The following LRFN2 variants were observed in gnomAD, a reference collection of about 807,000 sequenced individuals.
LRFN2 encodes leucine rich repeat and fibronectin type III domain containing 2, also known as leucine-rich repeat and fibronectin type-III domain-containing protein 2.
In LRFN2, 18 loss-of-function variants were observed where a neutral mutation model predicts 37.3. That is an observed-to-expected ratio of 0.48 (90% CI 0.33 to 0.72). LRFN2 has a LOEUF of 0.72. LRFN2 is among the 30% of genes least tolerant of loss of function. LRFN2 has a pLI of 0.02. For missense variants in LRFN2, 1,006 were observed against 1,060.7 expected (o/e 0.95, Z 0.72); for synonymous variants, 556 against 466.6 (o/e 1.19, Z -2.47).
At chr6:40,430,519 C>T (rs2053109) in intron 2 of LRFN2, among the ~76,000 whole-genome samples, 1,543 of 152,322 alleles carry the variant, frequency 0.01, 20 homozygotes, top group South Asian at 0.049. Context: ...ATTCCTTGAG[C>T]GGTAAGGTTT....
In LRFN2 at chr6:40,392,378, G is replaced by A. The variant is rs775902019; in HGVS notation, c.1935C>T (p.Ser645=). The A allele has an allele frequency of 4.6e-5, 74 of 1,591,880 alleles. 1 individual carries two copies. The Middle Eastern group carries it at 1.0e-3, about 21-fold the overall frequency. ...LGRAPWRIPP[S]APRPKPSLDR... Reference sequence around the variant, plus strand: ...CAAGGCTGGGCTTGGGGCGCGGGGCGGAGGGTGGGATCCTCCAGGGGGCCC... The same window carrying A: ...CAAGGCTGGGCTTGGGGCGCGGGGCAGAGGGTGGGATCCTCCAGGGGGCCC... The change falls in exon 3 of 3, where the codon TCC becomes TCT. Residue 645 remains serine, a synonymous_variant. Coordinates refer to ENST00000338305, the MANE Select transcript of LRFN2 (RefSeq NM_020737.3). The surrounding 1 kb of genome is among the most constrained non-coding windows in gnomAD (Gnocchi z 4.7).
At chr6:40,413,791 G>C (rs1349270692) in intron 2 of LRFN2, among the ~76,000 whole-genome samples, 4 of 151,986 alleles carry the variant, frequency 2.6e-5, no homozygotes, top group Admixed American at 6.5e-5. Context: ...GTCTAGCTGA[G>C]AGCCCTCCCC....
intron 1 of LRFN2, among the ~76,000 whole-genome samples, chr6:40,441,916 G>A (rs1422961249): frequency 6.6e-6 from 1 of 152,210 alleles, no homozygotes; most frequent in Non-Finnish European, 1.5e-5. Context: ...TTCCTGGATG[G>A]AACCTTCTCA....
intron 1 of LRFN2, among the ~76,000 whole-genome samples, chr6:40,452,803 GAGA>G (rs1764142335): frequency 6.6e-6 from 1 of 152,142 alleles, no homozygotes; most frequent in Admixed American, 6.5e-5. Flanking sequence ...GTCACACAAA[GAGA>G]AGGTCACACA....
At chr6:40,517,479 G>A (rs1393038533) in intron 1 of LRFN2, 1 of 152,164 alleles carries the variant, frequency 6.6e-6, no homozygotes, top group African/African-American at 2.4e-5. Context: ...CTCGACTCTG[G>A]GCAAGCTGTA....
intron 2 of LRFN2, among the ~76,000 whole-genome samples, chr6:40,397,103 C>T (rs1762632347): frequency 6.6e-6 from 1 of 152,214 alleles, no homozygotes; most frequent in Non-Finnish European, 1.5e-5. Flanking sequence ...AGACAAATTG[C>T]ATGAGAAAGC....
At position 40,392,525 on chromosome 6, in the gene LRFN2, C is replaced by A. The variant is rs988477489; in HGVS notation, c.1788G>T (p.Pro596=). Residue 596 remains proline, a synonymous_variant, in exon 3 of 3, where the codon CCG becomes CCT. Transcript: ENST00000338305. The surrounding 1 kb of genome is among the most constrained non-coding windows in gnomAD (Gnocchi z 4.7). The stretch of plus-strand genomic sequence containing the variant: ...GCACCACCACCTTCGGCGGGCCCTG[C>A]GGCGGGGCCCCGGCTGGTGCGCTGC... ...PPSSAPAGAP[P]QGPPKVVVRN... The A allele has an allele frequency of 3.8e-6, 6 of 1,586,728 alleles. No homozygotes were observed. Among genetic ancestry groups the A allele is most frequent in the East Asian group, 2.3e-5 (1 of 43,206 alleles).
At position 40,421,308 on chromosome 6, in the gene LRFN2, C is replaced by T. The variant is rs74836847; in HGVS notation, c.1400+10406G>A. Among the ~76,000 whole-genome samples, 1,312 of 152,266 alleles carry T rather than the reference C, an allele frequency of 8.6e-3. 18 individuals carry two copies. The highest frequency in any genetic ancestry group is 0.029 in the African/African-American group (1,202 of 41,536). On this transcript the variant is annotated intron_variant, in intron 2 of 2. Coordinates refer to ENST00000338305, the MANE Select transcript of LRFN2 (RefSeq NM_020737.3). Reference sequence around the variant, plus strand: ...TTATTTTGCCAAGGTTAAGGACATGCCCATGATGCAGCCTCAGGGGGTCCT... The same window carrying T: ...TTATTTTGCCAAGGTTAAGGACATGTCCATGATGCAGCCTCAGGGGGTCCT...
chr6:40,463,040 T>C (rs1372619418), intron 1 of LRFN2, among the ~76,000 whole-genome samples: 1 of 152,218 alleles, frequency 6.6e-6, no homozygotes, highest in East Asian at 1.9e-4. Flanking sequence ...TCTTCCCTCA[T>C]CTCCTTCCTG....
intron 1 of LRFN2, among the ~76,000 whole-genome samples, chr6:40,475,553 T>A (rs537462117): frequency 6.6e-6 from 1 of 152,084 alleles, no homozygotes; most frequent in Admixed American, 6.5e-5. Context: ...AACTGAGAAG[T>A]TGTTTTTGTT....
At chr6:40,576,701 C>G (rs561088664) in intron 1 of LRFN2, among the ~76,000 whole-genome samples, 2 of 152,306 alleles carry the variant, frequency 1.3e-5, no homozygotes, top group Admixed American at 1.3e-4. Flanking sequence ...AGAAGGAGCT[C>G]AGGGCCTTGA....
intron 2 of LRFN2, among the ~76,000 whole-genome samples, chr6:40,424,397 C>T (rs1203431301): frequency 1.3e-5 from 2 of 152,176 alleles, no homozygotes; most frequent in African/African-American, 2.4e-5. Flanking sequence ...CGAGATGTGC[C>T]CCACAGCAGG....
intron 1 of LRFN2, among the ~76,000 whole-genome samples, chr6:40,471,611 T>C (rs976381): frequency 0.037 from 5,705 of 152,244 alleles, 157 homozygotes; most frequent in East Asian, 0.098. Context: ...TCCAATACTA[T>C]ATTAGAAGGA....
chr6:40,475,982 A>G (rs1177295086), intron 1 of LRFN2, among the ~76,000 whole-genome samples: 1 of 152,170 alleles, frequency 6.6e-6, no homozygotes, highest in African/African-American at 2.4e-5. Flanking sequence ...TTCCTCCTTA[A>G]AATATATATT....
chr6:40,479,971 A>G (rs1312422455), intron 1 of LRFN2, among the ~76,000 whole-genome samples: 1 of 152,220 alleles, frequency 6.6e-6, no homozygotes, highest in Non-Finnish European at 1.5e-5. Flanking sequence ...GATTCCTGAG[A>G]ATTGATGTTT....
chr6:40,466,568 C>T lies in LRFN2; in HGVS notation c.-18-33437G>A, dbSNP rs527292603. Among the ~76,000 whole-genome samples, 13 of 152,218 alleles carry T rather than the reference C, an allele frequency of 8.5e-5. 1 individual carries two copies. The highest frequency in any genetic ancestry group is 7.8e-4 in the Admixed American group (12 of 15,300). Reference sequence around the variant, plus strand: ...GGAGAGGCCCCCACTCAAGAGTCTACCAGAATTGTTCCCGCCAGAGGACAA... The same window carrying T: ...GGAGAGGCCCCCACTCAAGAGTCTATCAGAATTGTTCCCGCCAGAGGACAA... On this transcript the variant is annotated intron_variant, in intron 1 of 2. Coordinates refer to ENST00000338305, the MANE Select transcript of LRFN2 (RefSeq NM_020737.3).
intron 1 of LRFN2, among the ~76,000 whole-genome samples, chr6:40,446,931 GGA>G: frequency 2.1e-5 from 3 of 145,956 alleles, no homozygotes; most frequent in African/African-American, 7.6e-5. Context: ...GGCTTCCTGA[GGA>G]TGGAGCTGTG....
intron 1 of LRFN2, among the ~76,000 whole-genome samples, chr6:40,526,839 C>A (rs1273391915): frequency 1.3e-5 from 2 of 152,212 alleles, no homozygotes; most frequent in Non-Finnish European, 2.9e-5. Flanking sequence ...GAAGTGAAGC[C>A]AAGCTCACAG....
intron 1 of LRFN2, among the ~76,000 whole-genome samples, chr6:40,511,519 A>T (rs1303479920): frequency 6.6e-6 from 1 of 152,202 alleles, no homozygotes; most frequent in Non-Finnish European, 1.5e-5. Flanking sequence ...GGTAAGCAGC[A>T]AGGGGGTCTG....
Sources: allele counts gnomAD v4.1 joint callset (sites outside exome capture counted in the v4.1 genomes callset), GRCh38; gene constraint gnomAD v4.1.1; non-coding constraint Gnocchi (gnomAD v3.1); transcripts MANE v1.5; gene names NCBI Gene and HGNC (gene_info 2026-07-23, HGNC 2026-07-21).